The following UBE2K variants were observed in gnomAD, a reference collection of about 807,000 sequenced individuals.
UBE2K encodes ubiquitin-conjugating enzyme E2 K.
In UBE2K, 6 loss-of-function variants were observed where a neutral mutation model predicts 30.0. The observed-to-expected ratio is 0.20, with a 90% CI of 0.11 to 0.39. The LOEUF is 0.39. UBE2K is among the 10% of genes least tolerant of loss of function. The probability of loss-of-function intolerance (pLI) is 1.00; values close to 1 mark genes in which losing one functional copy is unlikely to be tolerated. For missense variants in UBE2K, 61 were observed against 241.6 expected (o/e 0.25, Z 4.96); for synonymous variants, 86 against 83.7 (o/e 1.03, Z -0.15).
intron 1 of UBE2K, among the ~76,000 whole-genome samples, chr4:39,700,542 A>G (rs1231943694): frequency 1.3e-5 from 2 of 152,152 alleles, no homozygotes; most frequent in South Asian, 2.1e-4. Flanking sequence ...GTATTTTTTG[A>G]TATTTTAGTA....
chr4:39,723,068 C>G (rs1431933781), intron 1 of UBE2K, among the ~76,000 whole-genome samples: 1 of 149,608 alleles, frequency 6.7e-6, no homozygotes, highest in Non-Finnish European at 1.5e-5. Context: ...TTTTTTGAGA[C>G]AGTGTCTCAC....
At chr4:39,760,067 C>G (rs1291861901) in intron 4 of UBE2K, among the ~76,000 whole-genome samples, 2 of 148,568 alleles carry the variant, frequency 1.3e-5, no homozygotes, top group Non-Finnish European at 3.0e-5. Context: ...ATCCCAGCTA[C>G]TCGTGGGGCT....
rs937469519 is a variant in UBE2K, at chr4:39,777,670, C to T, written c.400-12C>T. ...TGTAATGTCATGTCAATCAATTTTT[C>T]CCCCCATATAGTACAAACAAAATCC... On this transcript the variant is annotated splice_polypyrimidine_tract_variant and intron_variant, in intron 5 of 6. Transcript: ENST00000261427. The T allele has an allele frequency of 6.5e-7, 1 of 1,532,588 alleles. No individual in the cohort carries two copies. The highest frequency in any genetic ancestry group is 8.7e-7 in the Non-Finnish European group (1 of 1,151,484). 94.9% of individuals were successfully genotyped at this position (1,532,588 alleles called of 1,614,324 possible).
intron 2 of UBE2K, among the ~76,000 whole-genome samples, chr4:39,740,540 CA>C (rs774007436): frequency 6.2e-5 from 9 of 146,134 alleles, no homozygotes; most frequent in Non-Finnish European, 1.2e-4. Context: ...GACTCTGTCC[CA>C]AAAAGAAAAA....
intron 1 of UBE2K, among the ~76,000 whole-genome samples, chr4:39,736,618 C>G (rs1282217310): frequency 6.6e-6 from 1 of 152,158 alleles, no homozygotes; most frequent in Non-Finnish European, 1.5e-5. Flanking sequence ...GGATGGTTTT[C>G]TGAATCATTT....
At chr4:39,768,195 T>C (rs771596847) in intron 4 of UBE2K, among the ~76,000 whole-genome samples, 3 of 150,292 alleles carry the variant, frequency 2.0e-5, no homozygotes, top group Non-Finnish European at 2.9e-5. Context: ...TCCCAGCACT[T>C]TGGGAGGCAG....
chr4:39,702,611 G>A (rs1042610280), intron 1 of UBE2K, among the ~76,000 whole-genome samples: 3 of 152,032 alleles, frequency 2.0e-5, no homozygotes, highest in Admixed American at 6.6e-5. Context: ...AATTGGTTTC[G>A]TGAAAATTAC....
At chr4:39,717,532 C>T (rs1466163875) in intron 1 of UBE2K, among the ~76,000 whole-genome samples, 1 of 152,164 alleles carries the variant, frequency 6.6e-6, no homozygotes, top group Non-Finnish European at 1.5e-5. Context: ...CCCAGCCTCT[C>T]CCAGCTTTTC....
intron 4 of UBE2K, among the ~76,000 whole-genome samples, chr4:39,771,785 T>C (rs1219688777): frequency 6.6e-6 from 1 of 152,188 alleles, no homozygotes; most frequent in East Asian, 1.9e-4. Flanking sequence ...TGAACAACAC[T>C]GAGATCATTG....
At position 39,781,654 on chromosome 4, in the gene UBE2K, T is replaced by G; in HGVS notation, c.*3220T>G. ...TATTGTTTTAAAGATTTAAGATGGA[T>G]TGGGGTAGGGAACAGCTGGAGCCAG... is the stretch of plus-strand genomic sequence containing the variant. On this transcript the variant is annotated 3_prime_UTR_variant, in exon 7 of 7. Coordinates refer to ENST00000261427, the MANE Select transcript of UBE2K (RefSeq NM_005339.5). 1 of 336,528 alleles carries G rather than the reference T, an allele frequency of 3.0e-6. No homozygotes were observed. Among genetic ancestry groups the G allele is most frequent in the Non-Finnish European group, 5.4e-6 (1 of 186,902 alleles). The allele number at this position is 336,528 out of a possible 1,614,324, so 20.8% of individuals were successfully genotyped here.
chr4:39,758,165 G>A (rs926076121), intron 4 of UBE2K, among the ~76,000 whole-genome samples: 6 of 152,036 alleles, frequency 3.9e-5, no homozygotes, highest in Admixed American at 1.3e-4. Context: ...ATTTTCTCAG[G>A]CCAAAATCAC....
At chr4:39,728,818 G>GTTTTTTTTTTTTT (rs150967559) in intron 1 of UBE2K, among the ~76,000 whole-genome samples, 3 of 129,904 alleles carry the variant, frequency 2.3e-5, no homozygotes, top group Non-Finnish European at 3.5e-5. Context: ...GGTTTTTTTT[G>GTTTTTTTTTTTTT]TTTTTTTTGT....
chr4:39,773,764 A>T (rs1008352877), intron 4 of UBE2K, among the ~76,000 whole-genome samples: 5 of 151,900 alleles, frequency 3.3e-5, no homozygotes, highest in Admixed American at 1.3e-4. Flanking sequence ...TACTAAAAAT[A>T]CAAAAAATTA....
chr4:39,758,273 C>T, intron 4 of UBE2K, among the ~76,000 whole-genome samples: 1 of 152,232 alleles, frequency 6.6e-6, no homozygotes, highest in Non-Finnish European at 1.5e-5. Flanking sequence ...TTTACTACCA[C>T]ACTTTTCCAA....
rs1255867587 is a variant in UBE2K, at chr4:39,778,647, A to G, written c.*213A>G. 4 of 406,160 alleles carry G rather than the reference A, an allele frequency of 9.8e-6. No individual in the cohort carries two copies. The highest frequency in any genetic ancestry group is 1.8e-5 in the Non-Finnish European group (4 of 228,338). The allele number at this position is 406,160 out of a possible 1,614,324, so 25.2% of individuals were successfully genotyped here. On this transcript the variant is annotated 3_prime_UTR_variant, in exon 7 of 7. Transcript: ENST00000261427. ...TAAATTTAAAAAGGGGAAATACTTT[A>G]ATTTTTTTTCTTAATAGTGTAAAAA...
intron 1 of UBE2K, among the ~76,000 whole-genome samples, chr4:39,714,604 T>C (rs12647701): frequency 7.4e-6 from 1 of 135,154 alleles, no homozygotes; most frequent in Non-Finnish European, 1.5e-5. Flanking sequence ...TGGAATGCAG[T>C]GGCGTGATCT....
chr4:39,720,966 T>TGAACTCCTGGCCTC (rs1177649892), intron 1 of UBE2K, among the ~76,000 whole-genome samples: 1 of 152,098 alleles, frequency 6.6e-6, no homozygotes, highest in Non-Finnish European at 1.5e-5. Context: ...AGGCTGGTCT[T>TGAACTCCTGGCCTC]GAACTCCTGG....
At chr4:39,748,619 C>G (rs1435930425) in intron 3 of UBE2K, among the ~76,000 whole-genome samples, 1 of 126,564 alleles carries the variant, frequency 7.9e-6, no homozygotes, top group Admixed American at 7.5e-5. Context: ...GTCTCTAGTC[C>G]CAAAAAAAAA....
intron 2 of UBE2K, among the ~76,000 whole-genome samples, chr4:39,744,386 A>G (rs1382326785): frequency 6.7e-6 from 1 of 150,240 alleles, no homozygotes; most frequent in African/African-American, 2.5e-5. Flanking sequence ...GTTAGCCAGG[A>G]TGGTCTCGAT....
Sources: allele counts gnomAD v4.1 joint callset (sites outside exome capture counted in the v4.1 genomes callset), GRCh38; gene constraint gnomAD v4.1.1; transcripts MANE v1.5; gene names NCBI Gene and HGNC (gene_info 2026-07-23, HGNC 2026-07-21).